Variants in KALRN observed in about 807,000 individuals in gnomAD.
The protein encoded by KALRN is kalirin RhoGEF kinase.
In KALRN, 70 loss-of-function variants were observed where a neutral mutation model predicts 353.7. The observed-to-expected ratio is 0.20, with a 90% CI of 0.16 to 0.24. The LOEUF (loss-of-function observed/expected upper bound fraction) is 0.24. Ranked by LOEUF, KALRN falls within the 10% of genes least tolerant of loss-of-function variation. The probability of loss-of-function intolerance (pLI) is 1.00; values close to 1 mark genes in which losing one functional copy is unlikely to be tolerated. For missense variants in KALRN, 2,791 were observed against 3,756.7 expected (o/e 0.74, Z 6.72); for synonymous variants, 1,391 against 1,434.8 (o/e 0.97, Z 0.69).
At chr3:124,654,093 G>A (rs1030552921) in intron 38 of KALRN, among the ~76,000 whole-genome samples, 1 of 152,234 alleles carries the variant, frequency 6.6e-6, no homozygotes, top group Non-Finnish European at 1.5e-5. Context: ...CATCTCCAGA[G>A]GGCCCTCCCA....
At position 124,650,834 on chromosome 3, in the gene KALRN, G is replaced by A. The variant is rs777596085; in HGVS notation, c.5691G>A (p.Gly1897=). Residue 1897 remains glycine, a synonymous_variant, in exon 38 of 60, where the codon GGG becomes GGA. Coordinates refer to ENST00000682506, the MANE Select transcript of KALRN (RefSeq NM_001388419.1). ...KLSLEGSSYR[G]SLKDPAGCLN... ...GTCTAGAAGGAAGCTCATACCGGGG[G>A]AGCTTGAAAGACCCTGCAGGCTGCC... is the stretch of plus-strand genomic sequence containing the variant. 4.8e-5 allele frequency: 77 copies of A among 1,613,796 alleles called. No homozygotes were observed. The highest frequency in any genetic ancestry group is 6.3e-5 in the Non-Finnish European group (74 of 1,179,798).
intron 21 of KALRN, among the ~76,000 whole-genome samples, chr3:124,454,972 C>CT: frequency 6.6e-6 from 1 of 152,258 alleles, no homozygotes; most frequent in East Asian, 1.9e-4. Context: ...TTATGATTTC[C>CT]TTTTTGCAGA....
chr3:124,410,657 C>T lies in KALRN; in HGVS notation c.2347-2813C>T, dbSNP rs534739889. On this transcript the variant is annotated intron_variant, in intron 13 of 59. Transcript: ENST00000682506. The stretch of plus-strand genomic sequence containing the variant: ...ACCATGATGAAATAGCACTTCACAC[C>T]CACTAGCATGGTTAAAATTAAATAG... Among the ~76,000 whole-genome samples, 5 of 152,222 alleles carry T rather than the reference C, an allele frequency of 3.3e-5. No homozygotes were observed. In the South Asian group the frequency reaches 1.0e-3, roughly 32 times the overall value.
intron 5 of KALRN, among the ~76,000 whole-genome samples, chr3:124,297,901 A>G (rs1474890902): frequency 6.6e-6 from 1 of 152,230 alleles, no homozygotes; most frequent in Non-Finnish European, 1.5e-5. Flanking sequence ...GGTCAGAGCC[A>G]CATACAACAA....
chr3:124,592,175 G>A (rs972545064), intron 34 of KALRN, among the ~76,000 whole-genome samples: 5 of 151,980 alleles, frequency 3.3e-5, no homozygotes, highest in Non-Finnish European at 1.5e-5. Flanking sequence ...GGTGGTGCAC[G>A]TCTATAACCC....
At chr3:124,227,961 C>A (rs1158739374) in intron 1 of KALRN, 29 bp from the exon 2 acceptor site, 1 of 1,597,028 alleles carries the variant, frequency 6.3e-7, no homozygotes, top group South Asian at 1.1e-5. Flanking sequence ...TCCTCTCACC[C>A]TGATTCCTTC....
intron 51 of KALRN, among the ~76,000 whole-genome samples, chr3:124,681,375 A>C (rs2087750369): frequency 6.6e-6 from 1 of 152,210 alleles, no homozygotes; most frequent in Non-Finnish European, 1.5e-5. Context: ...ATGGGTCCTC[A>C]GGAGGTGCTG....
chr3:124,657,430 T>C lies in KALRN; in HGVS notation c.5863-18T>C. ...TCCTGTGAAAATATGCTACTAACCATTGCCTTTGCTGCTGCAGGGCTTCAT... is the reference window on the plus strand; with the variant it reads ...TCCTGTGAAAATATGCTACTAACCACTGCCTTTGCTGCTGCAGGGCTTCAT... On this transcript the variant is annotated intron_variant, in intron 39 of 59. Coordinates refer to ENST00000682506, the MANE Select transcript of KALRN (RefSeq NM_001388419.1). The C allele has an allele frequency of 1.3e-6, 2 of 1,577,146 alleles. No homozygotes were observed. The highest frequency in any genetic ancestry group is 1.1e-5 in the South Asian group (1 of 90,300).
At chr3:124,360,894 T>C in intron 10 of KALRN, among the ~76,000 whole-genome samples, 1 of 152,236 alleles carries the variant, frequency 6.6e-6, no homozygotes, top group South Asian at 2.1e-4. Context: ...GAGGAATGTA[T>C]GCAAATTTCA....
intron 3 of KALRN, among the ~76,000 whole-genome samples, chr3:124,255,725 G>T (rs547629261): frequency 6.6e-6 from 1 of 152,120 alleles, no homozygotes; most frequent in Non-Finnish European, 1.5e-5. Context: ...CCTTATCCCA[G>T]TGCAGATGGA....
At chr3:124,555,818 A>G (rs879616895) in intron 33 of KALRN, among the ~76,000 whole-genome samples, 3 of 152,198 alleles carry the variant, frequency 2.0e-5, no homozygotes, top group Non-Finnish European at 4.4e-5. Flanking sequence ...AGATAGGACC[A>G]TGAGCAAGAC....
At chr3:124,487,136 T>C (rs2062652984) in intron 28 of KALRN, among the ~76,000 whole-genome samples, 1 of 152,200 alleles carries the variant, frequency 6.6e-6, no homozygotes, top group South Asian at 2.1e-4. Context: ...TGCAGATCTG[T>C]TGCTTAACCA....
chr3:124,067,004 C>T (rs1176508188), intron 1 of KALRN, among the ~76,000 whole-genome samples: 6 of 152,216 alleles, frequency 3.9e-5, no homozygotes, highest in Admixed American at 2.6e-4. Context: ...GTGTTAGCTG[C>T]AGTGCAGACT....
chr3:124,640,122 T>C (rs1236982645), intron 37 of KALRN, among the ~76,000 whole-genome samples: 2 of 152,184 alleles, frequency 1.3e-5, no homozygotes, highest in Non-Finnish European at 2.9e-5. Context: ...GAGTATTTAT[T>C]TGACTAAGTA....
At chr3:124,487,419 A>G (rs970017270) in intron 28 of KALRN, among the ~76,000 whole-genome samples, 2 of 152,194 alleles carry the variant, frequency 1.3e-5, no homozygotes, top group African/African-American at 2.4e-5. Context: ...GGAAGCCTCA[A>G]TGGGGGACAG....
chr3:124,036,190 A>AT (rs780824110), intron 1 of KALRN, among the ~76,000 whole-genome samples: 4 of 152,120 alleles, frequency 2.6e-5, no homozygotes, highest in Admixed American at 6.5e-5. Context: ...CCTGATAGGT[A>AT]TTTTTTCTGA....
At chr3:124,126,691 A>G (rs140372564) in intron 1 of KALRN, among the ~76,000 whole-genome samples, 11 of 152,368 alleles carry the variant, frequency 7.2e-5, no homozygotes, top group African/African-American at 2.2e-4. Context: ...TTTCCTTGCT[A>G]TAACTCATGT....
chr3:124,461,911 C>G lies in KALRN; in HGVS notation c.3876C>G (p.Leu1292=). The G allele has an allele frequency of 6.2e-7, 1 of 1,613,204 alleles. No individual in the cohort carries two copies. The highest frequency in any genetic ancestry group is 8.5e-7 in the Non-Finnish European group (1 of 1,179,282). The change falls in exon 24 of 60, where the codon CTC becomes CTG. Residue 1292 remains leucine (L), a synonymous_variant. Transcript: ENST00000682506. Reference sequence around the variant, plus strand: ...CTAGATTTATTATGGCTGAACTACTCCAGACAGAGAAGGCTTATGTAAGGG... The same window carrying G: ...CTAGATTTATTATGGCTGAACTACTGCAGACAGAGAAGGCTTATGTAAGGG... The part of the protein sequence containing the change: ...RKKEFIMAEL[L]QTEKAYVRDL...
In KALRN at chr3:124,264,612, T is replaced by C. The variant is rs770283194; in HGVS notation, c.378T>C (p.His126=). 9 of 1,614,126 alleles carry C rather than the reference T, an allele frequency of 5.6e-6. No homozygotes were observed. Among genetic ancestry groups the C allele is most frequent in the South Asian group, 3.3e-5 (3 of 91,072 alleles). Residue 126 remains histidine, a synonymous_variant, in exon 4 of 60, where the codon CAT becomes CAC. Coordinates refer to ENST00000682506, the MANE Select transcript of KALRN (RefSeq NM_001388419.1). ...AGGAAGCCTTTCCAGCTGAGATCCATGTGGCCCTCATCATTAAACCCGACA... is the reference window on the plus strand; with the variant it reads ...AGGAAGCCTTTCCAGCTGAGATCCACGTGGCCCTCATCATTAAACCCGACA... ...TLQEAFPAEI[H]VALIIKPDNF...
Sources: gnomAD v4.1 joint callset for allele counts (sites outside exome capture counted in the v4.1 genomes callset) on GRCh38, gnomAD v4.1.1 for gene constraint, MANE v1.5 for transcripts, NCBI Gene and HGNC (gene_info 2026-07-23, HGNC 2026-07-21) for gene names.